The following SCN8A variants were observed in gnomAD, a reference collection of about 807,000 sequenced individuals.
SCN8A encodes sodium channel protein type 8 subunit alpha.
Under a neutral mutation model 184.1 loss-of-function variants are expected in SCN8A, and 30 were observed. That is an observed-to-expected ratio of 0.16 (90% CI 0.12 to 0.22). The LOEUF is 0.22. Ranked by LOEUF, SCN8A falls within the 10% of genes least tolerant of loss-of-function variation. The probability of loss-of-function intolerance (pLI) is 1.00; values close to 1 mark genes in which losing one functional copy is unlikely to be tolerated. For synonymous variants in SCN8A, 852 were observed against 907.0 expected, an observed-to-expected ratio of 0.94 and a Z score of 1.09; for missense variants, 1,057 against 2,498.9, an observed-to-expected ratio of 0.42 and a Z score of 12.30.
At chr12:51,669,245 A>G (rs1343936363) in intron 2 of SCN8A, among the ~76,000 whole-genome samples, 4 of 152,224 alleles carry the variant, frequency 2.6e-5, no homozygotes, top group African/African-American at 4.8e-5. Flanking sequence ...GTGTCTGACT[A>G]TAGTGGAAAG....
intron 21 of SCN8A, among the ~76,000 whole-genome samples, chr12:51,784,301 C>T (rs1438669945): frequency 6.6e-6 from 1 of 152,156 alleles, no homozygotes; most frequent in Non-Finnish European, 1.5e-5. Flanking sequence ...TGCCTGTAAT[C>T]CCAGAACTTT....
At chr12:51,682,923 A>G (rs1360172727) in intron 2 of SCN8A, among the ~76,000 whole-genome samples, 1 of 152,162 alleles carries the variant, frequency 6.6e-6, no homozygotes, top group Non-Finnish European at 1.5e-5. Context: ...ATGCTTTCAT[A>G]CATGTGATTT....
intron 1 of SCN8A, among the ~76,000 whole-genome samples, chr12:51,613,444 G>C (rs892698360): frequency 3.3e-5 from 5 of 152,004 alleles, no homozygotes; most frequent in Admixed American, 2.6e-4. Context: ...GGAGGTCTAT[G>C]GTGATATACT....
chr12:51,785,784 C>A (rs1452260054), intron 21 of SCN8A, among the ~76,000 whole-genome samples: 1 of 152,096 alleles, frequency 6.6e-6, no homozygotes, highest in African/African-American at 2.4e-5. Context: ...TAAGTCATCC[C>A]TATTTCTAAT....
At chr12:51,648,052 C>G (rs1041498956) in intron 1 of SCN8A, among the ~76,000 whole-genome samples, 7 of 152,022 alleles carry the variant, frequency 4.6e-5, no homozygotes, top group Admixed American at 4.6e-4. Flanking sequence ...AAACTGGCCT[C>G]TGGGGAGGAG....
chr12:51,602,083 A>G (rs1254095546), intron 1 of SCN8A, among the ~76,000 whole-genome samples: 1 of 151,814 alleles, frequency 6.6e-6, no homozygotes, highest in Non-Finnish European at 1.5e-5. Context: ...CCACAGTTTA[A>G]TCCTAGAACC....
intron 9 of SCN8A, 28 bp from the exon 10 acceptor site, chr12:51,705,389 A>G: frequency 6.2e-7 from 1 of 1,610,582 alleles, no homozygotes; most frequent in Non-Finnish European, 8.5e-7. Context: ...GGTACAAGTG[A>G]CTCAGAAAAT....
chr12:51,600,538 T>C (rs183846938), intron 1 of SCN8A, among the ~76,000 whole-genome samples: 1 of 152,272 alleles, frequency 6.6e-6, no homozygotes, highest in East Asian at 1.9e-4. Context: ...AGGCCGTGTA[T>C]GAAAAATGTC....
At chr12:51,594,461 T>G (rs926747903) in intron 1 of SCN8A, among the ~76,000 whole-genome samples, 1 of 152,140 alleles carries the variant, frequency 6.6e-6, no homozygotes, top group Non-Finnish European at 1.5e-5. Context: ...AGAAAAACAT[T>G]CTGTGAATGG....
intron 1 of SCN8A, among the ~76,000 whole-genome samples, chr12:51,633,261 A>C (rs1233754899): frequency 2.0e-5 from 3 of 152,208 alleles, no homozygotes; most frequent in Non-Finnish European, 2.9e-5. Flanking sequence ...ACACATATAC[A>C]TTTACACATA....
intron 20 of SCN8A, among the ~76,000 whole-genome samples, chr12:51,779,189 C>T (rs1021556091): frequency 7.1e-6 from 1 of 140,898 alleles, no homozygotes; most frequent in African/African-American, 2.6e-5. Context: ...CATTGCACTC[C>T]AGCCTGAGCG....
At chr12:51,672,715 GCTTAT>G (rs1487256472) in intron 2 of SCN8A, among the ~76,000 whole-genome samples, 1 of 152,100 alleles carries the variant, frequency 6.6e-6, no homozygotes, top group Non-Finnish European at 1.5e-5. Context: ...CCTCAAACCT[GCTTAT>G]CTTCTTTTAT....
At chr12:51,617,628 G>C (rs1392662853) in intron 1 of SCN8A, among the ~76,000 whole-genome samples, 3 of 152,142 alleles carry the variant, frequency 2.0e-5, no homozygotes, top group African/African-American at 7.2e-5. Context: ...GAGATGTTGA[G>C]ATTTTCAAGT....
intron 1 of SCN8A, among the ~76,000 whole-genome samples, chr12:51,645,791 A>G (rs934228315): frequency 1.0e-4 from 15 of 148,046 alleles, no homozygotes; most frequent in African/African-American, 3.7e-4. Flanking sequence ...CCCTAATCTC[A>G]AGTACCCAGG....
At chr12:51,794,678 GA>G (rs1938359147) in intron 26 of SCN8A, 37 bp downstream of exon 26, 2 of 1,590,650 alleles carry the variant, frequency 1.3e-6, no homozygotes. Context: ...GGGGAAAGGG[GA>G]CCTGACTGAT....
chr12:51,656,229 A>T (rs1940819112), intron 1 of SCN8A, among the ~76,000 whole-genome samples: 1 of 152,218 alleles, frequency 6.6e-6, no homozygotes, highest in Non-Finnish European at 1.5e-5. Flanking sequence ...ACATTTTATT[A>T]AGTGATGCTG....
chr12:51,596,772 A>G (rs962184446), intron 1 of SCN8A, among the ~76,000 whole-genome samples: 2 of 152,308 alleles, frequency 1.3e-5, no homozygotes, highest in Non-Finnish European at 2.9e-5. Flanking sequence ...GCTACTTTTA[A>G]AAAGGTCATA....
At chr12:51,717,475 G>C (rs1190669094) in intron 11 of SCN8A, among the ~76,000 whole-genome samples, 1 of 152,104 alleles carries the variant, frequency 6.6e-6, no homozygotes, top group Non-Finnish European at 1.5e-5. Context: ...TTCCTTACTT[G>C]TCTCATTGCA....
Position 51,768,976 on chromosome 12 carries a change from A to C in SCN8A, c.3013A>C (p.Lys1005Gln). The change falls in exon 17 of 27, where the codon AAG (lysine) becomes CAG (glutamine). Residue 1005 changes from lysine (K) to glutamine (Q), a missense_variant. By Grantham distance (53) the Lys-to-Gln change is moderately conservative. Transcript: ENST00000627620. ...NNLQISVIRIKKGVAWTKLKV... is the reference protein window; with the variant it reads ...NNLQISVIRIQKGVAWTKLKV... ...CCTCCAGATCTCAGTGATCCGTATCAAGAAGGGTGTGGCCTGGACCAAACT... is the reference window on the plus strand; with the variant it reads ...CCTCCAGATCTCAGTGATCCGTATCCAGAAGGGTGTGGCCTGGACCAAACT... 1 of 1,613,928 alleles carries C rather than the reference A, an allele frequency of 6.2e-7. No individual in the cohort carries two copies. Among genetic ancestry groups the C allele is most frequent in the Non-Finnish European group, 8.5e-7 (1 of 1,179,814 alleles).
Sources: gnomAD v4.1 joint callset for allele counts (sites outside exome capture counted in the v4.1 genomes callset) on GRCh38, gnomAD v4.1.1 for gene constraint, MANE v1.5 for transcripts, NCBI Gene and HGNC (gene_info 2026-07-23, HGNC 2026-07-21) for gene names.